Variants in GLRA2 observed in about 807,000 individuals in gnomAD.
GLRA2 encodes the protein glycine receptor alpha 2.
GLRA2 carries 11 observed loss-of-function variants against 31.6 expected under a neutral mutation model. The observed-to-expected ratio is 0.35, with a 90% CI of 0.22 to 0.58. The LOEUF is 0.58. Ranked by LOEUF, GLRA2 falls within the 20% of genes least tolerant of loss-of-function variation. The pLI, the probability that GLRA2 is intolerant of heterozygous loss-of-function variation, is 0.84. For synonymous variants in GLRA2, 132 were observed against 134.0 expected (o/e 0.99, Z 0.10); for missense variants, 212 against 351.8 (o/e 0.60, Z 3.18).
At chrX:14,576,156 T>C (rs938467679) in intron 3 of GLRA2, among the ~76,000 whole-genome samples, 1 of 111,040 alleles carries the variant, frequency 9.0e-6, no homozygotes, top group African/African-American at 3.3e-5. Context: ...CTTTGTGGTG[T>C]CCTTCATGTT....
At chrX:14,704,905 T>G in intron 8 of GLRA2, among the ~76,000 whole-genome samples, 1 of 111,822 alleles carries the variant, frequency 8.9e-6, no homozygotes, top group African/African-American at 3.2e-5. Flanking sequence ...TAATATGAGG[T>G]AGAGAATTTT....
At chrX:14,601,747 G>A (rs754341834) in intron 4 of GLRA2, among the ~76,000 whole-genome samples, 9 of 111,102 alleles carry the variant, frequency 8.1e-5, no homozygotes, top group Non-Finnish European at 1.7e-4. Context: ...AAATACATGT[G>A]CTAAATTTTG....
the GLRA2 span, among the ~76,000 whole-genome samples, chrX:14,501,402 T>C: frequency 8.9e-6 from 1 of 111,892 alleles, no homozygotes; most frequent in East Asian, 2.8e-4. Context: ...TTTAAACTTT[T>C]GCTTTTGTGA....
At chrX:14,515,056 C>G in the GLRA2 span, among the ~76,000 whole-genome samples, 1 of 109,901 alleles carries the variant, frequency 9.1e-6, no homozygotes, top group Non-Finnish European at 1.9e-5. Flanking sequence ...TTCTTTTATT[C>G]CCTTCCTCGA....
intron 4 of GLRA2, among the ~76,000 whole-genome samples, chrX:14,601,017 G>A (rs1352680716): frequency 9.6e-6 from 1 of 103,989 alleles, no homozygotes; most frequent in Admixed American, 1.0e-4. Flanking sequence ...TTTTTTGTTT[G>A]TTTGTTTACT....
chrX:14,609,529 T>C (rs1446343029), intron 7 of GLRA2, among the ~76,000 whole-genome samples: 1 of 111,104 alleles, frequency 9.0e-6, no homozygotes, highest in Non-Finnish European at 1.9e-5. Context: ...CTTGCAAGAA[T>C]TGGAGTAAGA....
upstream of GLRA2, among the ~76,000 whole-genome samples, chrX:14,524,351 T>A (rs2089180933): frequency 8.9e-6 from 1 of 111,811 alleles, no homozygotes; most frequent in Non-Finnish European, 1.9e-5. Context: ...TATTTTAATC[T>A]ATGGCCCTAT....
upstream of GLRA2, among the ~76,000 whole-genome samples, chrX:14,527,182 A>T (rs141925631): frequency 8.9e-6 from 1 of 111,754 alleles, no homozygotes; most frequent in East Asian, 2.8e-4. Context: ...TCAAATGAGG[A>T]GGCTAAACTA....
intron 7 of GLRA2, among the ~76,000 whole-genome samples, chrX:14,665,134 G>A (rs2091026333): frequency 8.9e-6 from 1 of 111,803 alleles, no homozygotes; most frequent in East Asian, 2.8e-4. Flanking sequence ...TCTCCCTTTT[G>A]CAATGAAAAT....
At chrX:14,471,081 G>T in the GLRA2 span, among the ~76,000 whole-genome samples, 1 of 111,523 alleles carries the variant, frequency 9.0e-6, no homozygotes, top group Non-Finnish European at 1.9e-5. Context: ...CCCCCAAATG[G>T]CTTAAGGACA....
chrX:14,606,155 TAAA>T (rs35835313), intron 5 of GLRA2, among the ~76,000 whole-genome samples: 43 of 88,777 alleles, frequency 4.8e-4, no homozygotes, highest in South Asian at 2.2e-3. Context: ...TCCATAAACT[TAAA>T]AAAAAAAAAA....
chrX:14,609,153 C>T lies in GLRA2; in HGVS notation c.878C>T (p.Thr293Ile). 8.3e-7 allele frequency: 1 copy of T among 1,204,796 alleles called. No individual in the cohort carries two copies. The highest frequency in any genetic ancestry group is 1.1e-6 in the Non-Finnish European group (1 of 889,772). ...GCCAGGGTCGCACTGGGCATCACCA[C>T]AGTCTTAACGATGACCACCCAGAGT... ...APARVALGIT[T>I]VLTMTTQSSG... The change falls in exon 7 of 9, where the codon ACA becomes ATA. Residue 293 changes from threonine (T) to isoleucine (I), a missense_variant. By Grantham distance (89) the Thr-to-Ile change is moderately conservative (BLOSUM62 -1). Coordinates refer to ENST00000218075, the MANE Select transcript of GLRA2 (RefSeq NM_002063.4).
chrX:14,536,312 G>T (rs776840986), intron 2 of GLRA2, among the ~76,000 whole-genome samples: 1 of 112,074 alleles, frequency 8.9e-6, no homozygotes, highest in East Asian at 2.8e-4. Flanking sequence ...TTCAAATGTT[G>T]TGAATACCAA....
intron 8 of GLRA2, among the ~76,000 whole-genome samples, chrX:14,708,940 A>G (rs981574928): frequency 9.1e-6 from 1 of 110,257 alleles, no homozygotes; most frequent in African/African-American, 3.4e-5. Context: ...CCGTCTCCAC[A>G]CAAAAAGAAA....
upstream of GLRA2, among the ~76,000 whole-genome samples, chrX:14,524,385 A>G (rs1030631201): frequency 1.8e-5 from 2 of 111,797 alleles, no homozygotes; most frequent in African/African-American, 6.5e-5. Context: ...TCTATTTGAG[A>G]CAAATCTCTC....
the GLRA2 span, among the ~76,000 whole-genome samples, chrX:14,497,752 G>A: frequency 1.8e-5 from 2 of 111,177 alleles, no homozygotes; most frequent in African/African-American, 3.3e-5. Context: ...GAAAACCTGT[G>A]GGACAATTGG....
the GLRA2 span, among the ~76,000 whole-genome samples, chrX:14,461,765 T>G: frequency 1.8e-5 from 2 of 112,261 alleles, no homozygotes; most frequent in Non-Finnish European, 3.8e-5. Flanking sequence ...ATGGATCTCC[T>G]GAATAGAGCA....
the GLRA2 span, among the ~76,000 whole-genome samples, chrX:14,497,826 A>C: frequency 9.2e-6 from 1 of 108,940 alleles, no homozygotes; most frequent in African/African-American, 3.4e-5. Context: ...ACCAACTCAA[A>C]ATGTGTCCCT....
chrX:14,637,039 C>G (rs1467977049), intron 7 of GLRA2, among the ~76,000 whole-genome samples: 1 of 111,797 alleles, frequency 8.9e-6, no homozygotes, highest in African/African-American at 3.3e-5. Context: ...TGGCTATGGA[C>G]AGTGCCAAGA....
Sources: allele counts gnomAD v4.1 joint callset (sites outside exome capture counted in the v4.1 genomes callset), GRCh38; gene constraint gnomAD v4.1.1; transcripts MANE v1.5; gene names NCBI Gene and HGNC (gene_info 2026-07-23, HGNC 2026-07-21).